The following TBC1D12 variants were observed in gnomAD, a reference collection of about 807,000 sequenced individuals.
TBC1D12 encodes TBC1 domain family, member 12.
A neutral mutation model predicts 86.7 loss-of-function variants in TBC1D12; 56 were observed. The observed-to-expected ratio is 0.65, with a 90% confidence interval of 0.52 to 0.81. The LOEUF (loss-of-function observed/expected upper bound fraction) is 0.81, where lower values mean the gene tolerates loss of function less well. Among genes scored for constraint, TBC1D12 ranks in the 30% least tolerant of loss-of-function variants. The probability of loss-of-function intolerance (pLI) is 0.00; values close to 1 mark genes in which losing one functional copy is unlikely to be tolerated. For synonymous variants in TBC1D12, 421 were observed against 411.7 expected, an observed-to-expected ratio of 1.02 and a Z score of -0.27; for missense variants, 1,023 against 1,038.8, an observed-to-expected ratio of 0.98 and a Z score of 0.21.
intron 2 of TBC1D12, among the ~76,000 whole-genome samples, chr10:94,452,886 T>C (rs1331587075): frequency 6.6e-6 from 1 of 152,236 alleles, no homozygotes; most frequent in Non-Finnish European, 1.5e-5. Flanking sequence ...TGTACCATTG[T>C]GCATTTCCAG....
intron 6 of TBC1D12, among the ~76,000 whole-genome samples, chr10:94,501,845 G>A (rs979798901): frequency 2.6e-5 from 4 of 151,972 alleles, no homozygotes; most frequent in African/African-American, 9.7e-5. Flanking sequence ...ACCGTGCCTG[G>A]CTTGCAGAGT....
At chr10:94,406,703 AAATGCATAG>A (rs1321685661) in intron 1 of TBC1D12, among the ~76,000 whole-genome samples, 2 of 152,192 alleles carry the variant, frequency 1.3e-5, no homozygotes, top group African/African-American at 2.4e-5. Context: ...CCCTACCCCT[AAATGCATAG>A]TTGCTATTCT....
chr10:94,497,752 A>G (rs1589659146), intron 5 of TBC1D12, among the ~76,000 whole-genome samples: 1 of 142,240 alleles, frequency 7.0e-6, no homozygotes, highest in African/African-American at 2.6e-5. Context: ...AATCTTACCT[A>G]TCCTTTGGGA....
At chr10:94,531,514 G>T (rs1345129437) in intron 12 of TBC1D12, 54 bp downstream of exon 12, 1 of 1,482,298 alleles carries the variant, frequency 6.7e-7, no homozygotes, top group Non-Finnish European at 9.0e-7. Context: ...TTGACTTATT[G>T]TAAAAAAGTT....
chr10:94,412,300 C>T (rs931555440), intron 1 of TBC1D12, among the ~76,000 whole-genome samples: 2 of 152,172 alleles, frequency 1.3e-5, no homozygotes, highest in African/African-American at 2.4e-5. Context: ...ACTATAACAC[C>T]TTCCTCAGCT....
At position 94,534,804 on chromosome 10, in the gene TBC1D12, A is replaced by G. The variant is rs562590784; in HGVS notation, c.*1708A>G. On this transcript the variant is annotated 3_prime_UTR_variant, in exon 13 of 13. Transcript: ENST00000225235. ...TGTGTGTTTCCTTGAAGTCCAGAGC[A>G]GGATCCAGGTCAGATGAAGGAGGTG... is the stretch of plus-strand genomic sequence containing the variant. 1 of 152,354 alleles carries G rather than the reference A, an allele frequency of 6.6e-6. No individual in the cohort carries two copies. Among genetic ancestry groups the G allele is most frequent in the South Asian group, 2.1e-4 (1 of 4,826 alleles). 9.4% of individuals were successfully genotyped at this position (152,354 alleles called of 1,614,324 possible).
rs187420744 is a variant in TBC1D12, at chr10:94,446,266, G to A, written c.1095+4247G>A. The stretch of plus-strand genomic sequence containing the variant: ...CTTTCAGATAGATGTTATTACGTTT[G>A]GAATCAGAAACCGAAAGTGAATATA... On this transcript the variant is annotated intron_variant, in intron 2 of 12. Coordinates refer to ENST00000225235, the MANE Select transcript of TBC1D12 (RefSeq NM_015188.2). Among the ~76,000 whole-genome samples the A allele has an allele frequency of 2.5e-3, 378 of 152,276 alleles. 1 individual carries two copies. Among genetic ancestry groups the A allele is most frequent in the African/African-American group, 8.9e-3 (368 of 41,560 alleles).
At chr10:94,441,056 G>A (rs890659248) in intron 1 of TBC1D12, among the ~76,000 whole-genome samples, 3 of 151,934 alleles carry the variant, frequency 2.0e-5, no homozygotes, top group Middle Eastern at 3.4e-3. Flanking sequence ...CACCATGTTG[G>A]TCGGGCTAGT....
At chr10:94,413,615 T>C (rs940635336) in intron 1 of TBC1D12, among the ~76,000 whole-genome samples, 1 of 152,180 alleles carries the variant, frequency 6.6e-6, no homozygotes, top group East Asian at 1.9e-4. Context: ...CAGCATGCTC[T>C]TTCCTGCAAT....
intron 2 of TBC1D12, among the ~76,000 whole-genome samples, chr10:94,456,923 T>G (rs2055635171): frequency 6.6e-6 from 1 of 152,226 alleles, no homozygotes; most frequent in South Asian, 2.1e-4. Context: ...AATGCCCCTC[T>G]TTATTCCTGA....
In TBC1D12 at chr10:94,506,371, G is replaced by A. The variant is rs116815875; in HGVS notation, c.1520-896G>A. ...TGAAATTTTTTAAAACCATGTTCTT[G>A]TATTACCTTTAAAAATGAATAAAAT... On this transcript the variant is annotated intron_variant, in intron 6 of 12. Coordinates refer to ENST00000225235, the MANE Select transcript of TBC1D12 (RefSeq NM_015188.2). Among the ~76,000 whole-genome samples the A allele has an allele frequency of 3.0e-3, 454 of 152,216 alleles. 3 individuals are homozygous for A. The highest frequency in any genetic ancestry group is 0.01 in the African/African-American group (427 of 41,538).
intron 12 of TBC1D12, among the ~76,000 whole-genome samples, chr10:94,531,734 G>GTTATTTTATTTTATT (rs1842427053): frequency 1.5e-5 from 1 of 68,364 alleles, no homozygotes; most frequent in African/African-American, 5.3e-5. Flanking sequence ...GTTATTTTAT[G>GTTATTTTATTTTATT]TTATGTTATT....
chr10:94,535,020 G>A lies in TBC1D12; in HGVS notation c.*1924G>A, dbSNP rs1280739689. 6 of 152,134 alleles carry A rather than the reference G, an allele frequency of 3.9e-5. No individual in the cohort carries two copies. Among genetic ancestry groups the A allele is most frequent in the African/African-American group, 1.4e-4 (6 of 41,422 alleles). The allele number at this position is 152,134 out of a possible 1,614,324, so 9.4% of individuals were successfully genotyped here. A position where few individuals can be genotyped will look rare whatever the true frequency, so the allele number is the denominator to read the frequency against. ...TCCAGGGAACATGTTTCCCTTGGGA[G>A]GTCTGAACAGAGTGACCTGGCTTGA... On this transcript the variant is annotated 3_prime_UTR_variant, in exon 13 of 13. Coordinates refer to ENST00000225235, the MANE Select transcript of TBC1D12 (RefSeq NM_015188.2).
rs1396858519 is a variant in TBC1D12 at position 94,536,167 on chromosome 10, T to TTTG, written c.*3083_*3085dup. Among the ~76,000 whole-genome samples the TTTG allele has an allele frequency of 6.6e-6, 1 of 152,080 alleles. No homozygotes were observed. The highest frequency in any genetic ancestry group is 2.4e-5 in the African/African-American group (1 of 41,432). ...TTCACATGGTCAGTATATGGCAGTT[T>TTTG]TTGTTGTTGTTGTTACAGTATATTT... On this transcript the variant is annotated 3_prime_UTR_variant, in exon 13 of 13. Coordinates refer to ENST00000225235, the MANE Select transcript of TBC1D12 (RefSeq NM_015188.2).
At chr10:94,530,846 G>A (rs1195743059) in intron 11 of TBC1D12, among the ~76,000 whole-genome samples, 1 of 149,662 alleles carries the variant, frequency 6.7e-6, no homozygotes, top group African/African-American at 2.5e-5. Flanking sequence ...AAGTTTGAGG[G>A]AGGAAGCCTT....
At chr10:94,500,124 T>C in intron 5 of TBC1D12, 97 bp from the exon 6 acceptor site, 3 of 1,066,390 alleles carry the variant, frequency 2.8e-6, no homozygotes, top group Non-Finnish European at 4.0e-6. Context: ...AAAAATGATT[T>C]GATCACTTGG....
At chr10:94,514,088 CTGTAATCCCAGGCA>C (rs372799129) in intron 9 of TBC1D12, among the ~76,000 whole-genome samples, 184 of 151,368 alleles carry the variant, frequency 1.2e-3, no homozygotes, top group African/African-American at 2.5e-3. Context: ...TGGCTCATGC[CTGTAATCCCAGGCA>C]TGTAATCCCA....
intron 3 of TBC1D12, among the ~76,000 whole-genome samples, chr10:94,491,505 T>C (rs978292120): frequency 1.3e-5 from 2 of 152,208 alleles, no homozygotes; most frequent in Admixed American, 1.3e-4. Flanking sequence ...CAAAATACGG[T>C]GTAGTAGTTA....
At chr10:94,486,285 C>CTA (rs964129972) in intron 3 of TBC1D12, among the ~76,000 whole-genome samples, 4 of 151,794 alleles carry the variant, frequency 2.6e-5, no homozygotes, top group African/African-American at 9.7e-5. Context: ...GTAGCTGGGA[C>CTA]TAAAGGCACA....
Sources: allele counts gnomAD v4.1 joint callset (sites outside exome capture counted in the v4.1 genomes callset), GRCh38; gene constraint gnomAD v4.1.1; transcripts MANE v1.5; gene names NCBI Gene and HGNC (gene_info 2026-07-23, HGNC 2026-07-21).